TAFA2: variants seen among roughly 807,000 people sequenced by gnomAD.
The protein encoded by TAFA2 is chemokine-like protein TAFA-2.
TAFA2 carries 7 observed loss-of-function variants against 18.8 expected under a neutral mutation model. That is an observed-to-expected ratio of 0.37 (90% CI 0.21 to 0.70). TAFA2 has a LOEUF of 0.70. Ranked by LOEUF, TAFA2 falls within the 30% of genes least tolerant of loss-of-function variation. The pLI is 0.53. For synonymous variants in TAFA2, 60 were observed against 54.2 expected (o/e 1.11, Z -0.47); for missense variants, 122 against 158.1 (o/e 0.77, Z 1.23).
At chr12:62,092,904 T>C (rs1191985985) in intron 1 of TAFA2, among the ~76,000 whole-genome samples, 1 of 152,028 alleles carries the variant, frequency 6.6e-6, no homozygotes, top group Non-Finnish European at 1.5e-5. Flanking sequence ...TCCCATATAA[T>C]TTTTAAACCA....
chr12:62,259,591 T>A (rs992660458), upstream of TAFA2: 2 of 152,252 alleles, frequency 1.3e-5, no homozygotes, highest in Non-Finnish European at 2.9e-5. Context: ...ATTTCAGGTG[T>A]ACGGCACCAT....
chr12:62,108,892 T>A (rs1869591577), intron 1 of TAFA2, among the ~76,000 whole-genome samples: 1 of 152,222 alleles, frequency 6.6e-6, no homozygotes, highest in Non-Finnish European at 1.5e-5. Context: ...CTTTGTCAGA[T>A]GGAAAGATTG....
intron 1 of TAFA2, among the ~76,000 whole-genome samples, chr12:62,110,804 G>A (rs983288568): frequency 4.9e-4 from 75 of 151,888 alleles, no homozygotes; most frequent in African/African-American, 1.7e-3. Flanking sequence ...TTCTCTGGTG[G>A]TAGTTTATAT....
chr12:61,985,346 G>C (rs1208498298), intron 1 of TAFA2, among the ~76,000 whole-genome samples: 1 of 152,178 alleles, frequency 6.6e-6, no homozygotes, highest in Non-Finnish European at 1.5e-5. Flanking sequence ...GAGCCATAAA[G>C]GACAAACGAT....
chr12:61,716,954 G>A (rs1592340710), intron 4 of TAFA2, among the ~76,000 whole-genome samples: 1 of 152,250 alleles, frequency 6.6e-6, no homozygotes, highest in East Asian at 1.9e-4. Flanking sequence ...TAACTTATTC[G>A]ATAAAGGTAA....
At chr12:61,717,742 C>G (rs962862525) in intron 4 of TAFA2, among the ~76,000 whole-genome samples, 1 of 152,162 alleles carries the variant, frequency 6.6e-6, no homozygotes, top group Non-Finnish European at 1.5e-5. Context: ...TCTTTCTAGA[C>G]TTCTGGAAAG....
intron 2 of TAFA2, among the ~76,000 whole-genome samples, chr12:61,783,785 G>A (rs1000693878): frequency 1.3e-5 from 2 of 151,684 alleles, no homozygotes; most frequent in East Asian, 3.9e-4. Flanking sequence ...AACTATAGAA[G>A]TCAGTGTCCT....
intron 1 of TAFA2, among the ~76,000 whole-genome samples, chr12:62,223,367 G>T (rs1221433463): frequency 6.6e-6 from 1 of 152,072 alleles, no homozygotes; most frequent in Non-Finnish European, 1.5e-5. Context: ...GTGTGGAGAT[G>T]AGGTCTCCGT....
chr12:62,133,028 T>C (rs1432012196), intron 1 of TAFA2, among the ~76,000 whole-genome samples: 4 of 151,994 alleles, frequency 2.6e-5, no homozygotes, highest in African/African-American at 9.7e-5. Context: ...GAATAATTAT[T>C]TGTGGTACAG....
chr12:62,077,297 G>C (rs1445202592), intron 1 of TAFA2, among the ~76,000 whole-genome samples: 3 of 152,122 alleles, frequency 2.0e-5, no homozygotes, highest in African/African-American at 7.2e-5. Flanking sequence ...TCTGTGTTCT[G>C]TTCCCATTAA....
At chr12:61,796,376 T>C (rs911406570) in intron 2 of TAFA2, among the ~76,000 whole-genome samples, 1 of 152,062 alleles carries the variant, frequency 6.6e-6, no homozygotes. Flanking sequence ...AGCAACAACA[T>C]GGATGTTTCT....
intron 2 of TAFA2, among the ~76,000 whole-genome samples, chr12:61,800,520 C>T (rs1057202543): frequency 2.0e-5 from 3 of 152,128 alleles, no homozygotes; most frequent in Non-Finnish European, 2.9e-5. Context: ...GGAGCAAATA[C>T]TCAGGAAATT....
intron 2 of TAFA2, among the ~76,000 whole-genome samples, chr12:61,812,772 G>A (rs1871927867): frequency 6.6e-6 from 1 of 150,932 alleles, no homozygotes; most frequent in South Asian, 2.1e-4. Flanking sequence ...GTTTTACCAT[G>A]TTGGTCAGGC....
intron 2 of TAFA2, among the ~76,000 whole-genome samples, chr12:61,855,261 T>C (rs888173718): frequency 6.6e-6 from 1 of 152,202 alleles, no homozygotes; most frequent in Non-Finnish European, 1.5e-5. Flanking sequence ...TGCATTCACC[T>C]ACTCTTAAGA....
chr12:61,985,105 C>T (rs1879768835), intron 1 of TAFA2, among the ~76,000 whole-genome samples: 1 of 152,090 alleles, frequency 6.6e-6, no homozygotes, highest in Non-Finnish European at 1.5e-5. Flanking sequence ...AGCCACATTC[C>T]ATTTCTGTTG....
At chr12:62,110,836 A>C (rs1869697831) in intron 1 of TAFA2, among the ~76,000 whole-genome samples, 1 of 151,894 alleles carries the variant, frequency 6.6e-6, no homozygotes, top group Non-Finnish European at 1.5e-5. Flanking sequence ...CAGCAGTGAT[A>C]TCCCCTTTAT....
intron 2 of TAFA2, among the ~76,000 whole-genome samples, chr12:61,855,532 A>C (rs1384645686): frequency 1.3e-5 from 2 of 152,188 alleles, no homozygotes; most frequent in Non-Finnish European, 2.9e-5. Flanking sequence ...TATGAAATGC[A>C]CTTAAAATAT....
chr12:61,848,970 T>G (rs908214047), intron 2 of TAFA2, among the ~76,000 whole-genome samples: 6 of 151,306 alleles, frequency 4.0e-5, no homozygotes, highest in African/African-American at 1.5e-4. Flanking sequence ...GCCTCCTGAG[T>G]AGCTGGGATT....
At chr12:61,904,670 T>C (rs556680966) in intron 1 of TAFA2, among the ~76,000 whole-genome samples, 16 of 152,266 alleles carry the variant, frequency 1.1e-4, no homozygotes, top group African/African-American at 3.8e-4. Context: ...TTTTTATAAT[T>C]CTCAACTAAT....
Sources: allele counts gnomAD v4.1 joint callset (sites outside exome capture counted in the v4.1 genomes callset), GRCh38; gene constraint gnomAD v4.1.1; transcripts MANE v1.5; gene names NCBI Gene and HGNC (gene_info 2026-07-23, HGNC 2026-07-21).